Variants in HCFC1 observed in about 807,000 individuals in gnomAD.
HCFC1 encodes host cell factor 1.
In HCFC1, 7 loss-of-function variants were observed where a neutral mutation model predicts 105.5. The ratio of observed to expected loss-of-function variants is 0.07; its 90% CI spans 0.04 to 0.12. The LOEUF is 0.12. Ranked by LOEUF, HCFC1 falls within the 10% of genes least tolerant of loss-of-function variation. The pLI is 1.00. For synonymous variants in HCFC1, 918 were observed against 828.1 expected, an observed-to-expected ratio of 1.11 and a Z score of -1.86; for missense variants, 1,065 against 1,823.6, an observed-to-expected ratio of 0.58 and a Z score of 7.58.
chrX:153,951,882 A>T lies in HCFC1; in HGVS notation c.5219T>A (p.Val1740Asp). The change falls in exon 20 of 26, where the codon GTC (valine) becomes GAC (aspartate). Residue 1740 changes from valine to aspartate, a missense_variant. Coordinates refer to ENST00000310441, the MANE Select transcript of HCFC1 (RefSeq NM_005334.3). ...GGGCAGCAGCGCCACAGTGCTGGGG[A>T]CCGTGCCGGCCAGCTCATTGAGGCA... ...SNCLNELAGT[V>D]PSTVALLPST... The T allele has an allele frequency of 8.4e-7, 1 of 1,195,753 alleles. No individual in the cohort carries two copies. The highest frequency in any genetic ancestry group is 1.1e-6 in the Non-Finnish European group (1 of 885,870).
intron 17 of HCFC1, 44 bp downstream of exon 17, chrX:153,954,022 G>A: frequency 8.7e-7 from 1 of 1,155,005 alleles, no homozygotes; most frequent in Non-Finnish European, 1.2e-6. Flanking sequence ...TTCAGCCTGG[G>A]GGGCTGGGAG....
At position 153,971,620 on chromosome X, in the gene HCFC1, T is replaced by C. The variant is rs1368814982; in HGVS notation, c.-780A>G. The C allele has an allele frequency of 2.1e-5, 6 of 291,929 alleles. No homozygotes were observed. Among genetic ancestry groups the C allele is most frequent in the African/African-American group, 1.4e-4 (5 of 36,298 alleles). The allele number at this position is 291,929 out of a possible 1,213,427, so 24.1% of individuals were successfully genotyped here. On this transcript the variant is annotated 5_prime_UTR_variant, in exon 1 of 26. Transcript: ENST00000310441. ...AGACTAGCTCCCCGTTCCCCCCTAT[T>C]CTCTTCCTCCTAGGTCAGTTCTTCC... is the stretch of plus-strand genomic sequence containing the variant.
chrX:153,953,984 C>A, intron 17 of HCFC1, 82 bp downstream of exon 17: 1 of 1,074,560 alleles, frequency 9.3e-7, no homozygotes, highest in Non-Finnish European at 1.3e-6. Flanking sequence ...GGACTCTGGA[C>A]GGACCCCCGC....
intron 1 of HCFC1, among the ~76,000 whole-genome samples, chrX:153,968,618 C>T (rs1221837040): frequency 8.9e-6 from 1 of 112,541 alleles, no homozygotes; most frequent in Non-Finnish European, 1.9e-5. Flanking sequence ...CACAACCTGT[C>T]TTTGCAGACT....
intron 10 of HCFC1, 119 bp downstream of exon 10, chrX:153,958,450 A>T: frequency 1.3e-6 from 1 of 751,224 alleles, no homozygotes; most frequent in Non-Finnish European, 2.0e-6. Flanking sequence ...ACCTGAGGCC[A>T]TGACGCCCCT....
intron 1 of HCFC1, among the ~76,000 whole-genome samples, chrX:153,966,419 A>G (rs2065474269): frequency 8.9e-6 from 1 of 112,129 alleles, no homozygotes; most frequent in Non-Finnish European, 1.9e-5. Context: ...CCATTTCCCT[A>G]AAGCAGAGGG....
At chrX:153,953,812 C>A (rs781791547) in intron 17 of HCFC1, 42 bp from the exon 18 acceptor site, 3 of 1,157,665 alleles carry the variant, frequency 2.6e-6, no homozygotes, top group Admixed American at 2.5e-5. Context: ...CAGGAGCCCC[C>A]CCGGCCTGTA....
chrX:153,954,570 C>A lies in HCFC1; in HGVS notation c.3829G>T (p.Ala1277Ser), dbSNP rs1557113917. The change falls in exon 17 of 26, where the codon GCA (alanine) becomes TCA (serine). Residue 1277 changes from alanine to serine, a missense_variant. By Grantham distance (99) the Ala-to-Ser change is moderately conservative. Around this residue, in one of 17 missense-constraint regions of HCFC1, gnomAD observed 546 missense variants for 599.9 expected, o/e 0.91. Transcript: ENST00000310441. The stretch of plus-strand genomic sequence containing the variant: ...ACGGTGGCCGAGGGGCACAGCAGTG[C>A]CTCCAGGGCTGTCACAGTCACTGTG... Reference protein sequence around the residue: ...STTVTVTALEALLCPSATVTQ... With the variant: ...STTVTVTALESLLCPSATVTQ... 10 of 1,211,008 alleles carry A rather than the reference C, an allele frequency of 8.3e-6. No individual in the cohort carries two copies. The East Asian group carries it at 2.7e-4, about 32-fold the overall frequency.
In HCFC1 at chrX:153,950,743, C is replaced by G. The variant is rs187757400; in HGVS notation, c.5703+70G>C. 11 of 1,069,915 alleles carry G rather than the reference C, an allele frequency of 1.0e-5. No homozygotes were observed. The East Asian group carries it at 1.8e-4, about 18-fold the overall frequency. The allele number at this position is 1,069,915 out of a possible 1,213,427, so 88.2% of individuals were successfully genotyped here. A position where few individuals can be genotyped will look rare whatever the true frequency, so the allele number is the denominator to read the frequency against. ...AACCTAGCTCTCCTATGCCCCCCCC[C>G]GGCCACCTCATGTGCTGAGGCAGGC... On this transcript the variant is annotated intron_variant, in intron 23 of 25. Transcript: ENST00000310441.
chrX:153,950,759 T>C, intron 23 of HCFC1, 54 bp downstream of exon 23: 2 of 1,134,720 alleles, frequency 1.8e-6, no homozygotes, highest in Admixed American at 4.4e-5. Context: ...CCTCATGTGC[T>C]GAGGCAGGCA....
At chrX:153,956,071 C>G in intron 16 of HCFC1, 120 bp downstream of exon 16, 1 of 651,538 alleles carries the variant, frequency 1.5e-6, no homozygotes, top group South Asian at 2.6e-5. Flanking sequence ...CCTGCCATGG[C>G]TGCACCCGGC....
At chrX:153,966,901 G>A (rs782717744) in intron 1 of HCFC1, among the ~76,000 whole-genome samples, 5 of 112,422 alleles carry the variant, frequency 4.4e-5, no homozygotes, top group Non-Finnish European at 9.4e-5. Context: ...CCTATCACAC[G>A]CTGATCAGTG....
Position 153,956,429 on chromosome X carries a change from A to T in HCFC1, c.2636-18T>A, listed in dbSNP as rs896880707. Reference sequence around the variant, plus strand: ...CGTGACACCTGAAGGAAAGGAGGCAAGAGTTGGGCCAAGGCTGCTGCTGTC... The same window carrying T: ...CGTGACACCTGAAGGAAAGGAGGCATGAGTTGGGCCAAGGCTGCTGCTGTC... On this transcript the variant is annotated intron_variant, in intron 15 of 25. Transcript: ENST00000310441. 4 of 1,190,719 alleles carry T rather than the reference A, an allele frequency of 3.4e-6. No homozygotes were observed. The African/African-American group carries it at 7.0e-5, about 21-fold the overall frequency.
chrX:153,959,866 G>C lies in HCFC1; in HGVS notation c.1380C>G (p.Thr460=), dbSNP rs2065412905. The C allele has an allele frequency of 8.4e-7, 1 of 1,191,397 alleles. No individual in the cohort carries two copies. Among genetic ancestry groups the C allele is most frequent in the African/African-American group, 1.8e-5 (1 of 57,033 alleles). Residue 460 remains threonine, a synonymous_variant, in exon 8 of 26, where the codon ACC becomes ACG. Coordinates refer to ENST00000310441, the MANE Select transcript of HCFC1 (RefSeq NM_005334.3). ...CAGGCACCGTTGGCAAGACCTGGAT[G>C]GTGGTGGTGGTCGGGGGTGCGGGGG... ...QAAPAPPTTT[T]IQVLPTVPGS...
chrX:153,960,190 G>A (rs782159256), intron 7 of HCFC1, 29 bp from the exon 8 acceptor site: 1 of 1,199,046 alleles, frequency 8.3e-7, no homozygotes, highest in South Asian at 1.8e-5. Context: ...GGTGAGAAGG[G>A]GCGGGAGGCT....
At chrX:153,959,672 T>C (rs1263559640) in intron 8 of HCFC1, 130 bp downstream of exon 8, 2 of 984,471 alleles carry the variant, frequency 2.0e-6, no homozygotes, top group Admixed American at 3.1e-5. Context: ...CTACAACCCT[T>C]GGAGACAAGC....
In HCFC1 at chrX:153,948,254, G is replaced by A. The variant is rs960717299; in HGVS notation, c.*1093C>T. On this transcript the variant is annotated 3_prime_UTR_variant, in exon 26 of 26. Coordinates refer to ENST00000310441, the MANE Select transcript of HCFC1 (RefSeq NM_005334.3). ...CCCTCCCTCAAGCTCCCCTAGGCTC[G>A]ACCCTATAGATGCGGAGTGATCGCC... The A allele has an allele frequency of 3.6e-5, 4 of 111,958 alleles. No homozygotes were observed. The highest frequency in any genetic ancestry group is 9.5e-5 in the Admixed American group (1 of 10,582). 9.2% of individuals were successfully genotyped at this position (111,958 alleles called of 1,213,427 possible). A position where few individuals can be genotyped will look rare whatever the true frequency, so the allele number is the denominator to read the frequency against.
chrX:153,954,641 C>A lies in HCFC1; in HGVS notation c.3758G>T (p.Arg1253Leu), dbSNP rs374683078. 9 of 1,205,730 alleles carry A rather than the reference C, an allele frequency of 7.5e-6. No homozygotes were observed. The South Asian group carries it at 1.2e-4, about 17-fold the overall frequency. Reference sequence around the variant, plus strand: ...GAGGCTCTCGCACACAGGTGCCATGCGGGGCTCCCCAGCACCCACGCTGGA... The same window carrying A: ...GAGGCTCTCGCACACAGGTGCCATGAGGGGCTCCCCAGCACCCACGCTGGA... ...TRSSVGAGEP[R>L]MAPVCESLQG... is the part of the protein sequence containing the mutation. The change falls in exon 17 of 26, where the codon CGC (arginine) becomes CTC (leucine). Residue 1253 changes from arginine (R) to leucine (L), a missense_variant. Around this residue, in one of 17 missense-constraint regions of HCFC1, gnomAD observed 546 missense variants for 599.9 expected, o/e 0.91. Transcript: ENST00000310441.
rs188659534 is a variant in HCFC1 at position 153,962,842 on chromosome X, G to A, written c.712+383C>T. Reference sequence around the variant, plus strand: ...CCCAAGCAGTCCCCGAAGGCCTCACGGTTTACCGGCATCCAATGGTACCAC... The same window carrying A: ...CCCAAGCAGTCCCCGAAGGCCTCACAGTTTACCGGCATCCAATGGTACCAC... On this transcript the variant is annotated intron_variant, in intron 4 of 25. Transcript: ENST00000310441. Among the ~76,000 whole-genome samples the A allele has an allele frequency of 4.8e-3, 540 of 111,715 alleles. 2 individuals carry two copies. The highest frequency in any genetic ancestry group is 0.023 in the Middle Eastern group (5 of 218).
Sources: allele counts gnomAD v4.1 joint callset (sites outside exome capture counted in the v4.1 genomes callset), GRCh38; gene constraint gnomAD v4.1.1; regional missense constraint gnomAD v4.1.1; transcripts MANE v1.5; gene names NCBI Gene and HGNC (gene_info 2026-07-23, HGNC 2026-07-21).